The following ABCB7 variants were observed in gnomAD, a reference collection of about 807,000 sequenced individuals.
ABCB7 encodes the protein ATP binding cassette subfamily B member 7, also known as iron-sulfur clusters transporter ABCB7, mitochondrial.
ABCB7 carries 7 observed loss-of-function variants against 54.4 expected under a neutral mutation model. That is an observed-to-expected ratio of 0.13 (90% CI 0.07 to 0.24). The LOEUF (loss-of-function observed/expected upper bound fraction) is 0.24. Ranked by LOEUF, ABCB7 falls within the 10% of genes least tolerant of loss-of-function variation. ABCB7 has a pLI of 1.00. For missense variants in ABCB7, 356 were observed against 570.4 expected, an observed-to-expected ratio of 0.62 and a Z score of 3.83; for synonymous variants, 218 against 207.1, an observed-to-expected ratio of 1.05 and a Z score of -0.45.
chrX:75,154,288 T>C (rs985489802), intron 1 of ABCB7, among the ~76,000 whole-genome samples: 16 of 111,716 alleles, frequency 1.4e-4, no homozygotes, highest in African/African-American at 5.2e-4. Flanking sequence ...GTATTGCCAT[T>C]GCCTCCTCTG....
At chrX:75,056,250 C>T (rs57260483) in intron 15 of ABCB7, among the ~76,000 whole-genome samples, 1 of 111,275 alleles carries the variant, frequency 9.0e-6, no homozygotes, top group Non-Finnish European at 1.9e-5. Flanking sequence ...AGGACCCTTA[C>T]CTGAATCAAT....
intron 15 of ABCB7, among the ~76,000 whole-genome samples, 161 bp from the exon 16 acceptor site, chrX:75,053,746 A>G (rs1435826247): frequency 8.9e-6 from 1 of 112,414 alleles, no homozygotes. Context: ...AAATTTAGGT[A>G]GGAATGCTTT....
chrX:75,146,862 T>C (rs1189855673), intron 1 of ABCB7, among the ~76,000 whole-genome samples: 1 of 111,086 alleles, frequency 9.0e-6, no homozygotes, highest in Admixed American at 9.6e-5. Flanking sequence ...CAAAAGAAAC[T>C]GTCAACAGAG....
At chrX:75,146,756 C>T (rs1003090961) in intron 1 of ABCB7, among the ~76,000 whole-genome samples, 1 of 111,093 alleles carries the variant, frequency 9.0e-6, no homozygotes, top group Non-Finnish European at 1.9e-5. Flanking sequence ...GACAGAGACA[C>T]GGGAAAAGAT....
chrX:75,118,184 G>A (rs758524247), intron 1 of ABCB7, among the ~76,000 whole-genome samples: 1 of 111,603 alleles, frequency 9.0e-6, no homozygotes, highest in South Asian at 3.8e-4. Flanking sequence ...TTGTAACCAC[G>A]TGGCAGTGCT....
chrX:75,077,923 T>A (rs1393946144), intron 4 of ABCB7, among the ~76,000 whole-genome samples: 6 of 107,553 alleles, frequency 5.6e-5, no homozygotes, highest in African/African-American at 2.0e-4. Context: ...TTGCTTTTTT[T>A]TTTTTTTTGA....
Position 75,075,600 on chromosome X carries a change from A to C in ABCB7, c.617T>G (p.Phe206Cys). Residue 206 changes from phenylalanine (F) to cysteine (C), a missense_variant, in exon 6 of 16, where the codon TTT becomes TGT. Transcript: ENST00000373394. Reference protein sequence around the residue: ...YGVSRAGAAFFNEVRNAVFGK... With the variant: ...YGVSRAGAAFCNEVRNAVFGK... ...AAATACTGCATTTCGAACTTCGTTA[A>C]AAAAAGCAGCTCCAGCTCTTGATAC... 2 of 1,210,391 alleles carry C rather than the reference A, an allele frequency of 1.7e-6. No homozygotes were observed. Among genetic ancestry groups the C allele is most frequent in the Non-Finnish European group, 2.2e-6 (2 of 894,272 alleles).
At chrX:75,130,778 C>T (rs2081968584) in intron 1 of ABCB7, among the ~76,000 whole-genome samples, 1 of 110,611 alleles carries the variant, frequency 9.0e-6, no homozygotes. Context: ...AAAAGAGATA[C>T]AAGGGAGAAT....
chrX:75,118,061 C>T (rs982418943), intron 1 of ABCB7, among the ~76,000 whole-genome samples: 1 of 112,364 alleles, frequency 8.9e-6, no homozygotes, highest in Non-Finnish European at 1.9e-5. Context: ...CTTTCTGTAT[C>T]ATTCTGTCCT....
chrX:75,130,691 A>G (rs968826242), intron 1 of ABCB7, among the ~76,000 whole-genome samples: 1 of 111,826 alleles, frequency 8.9e-6, no homozygotes, highest in Non-Finnish European at 1.9e-5. Flanking sequence ...ATATAAAGGC[A>G]TATGCCTGGG....
intron 4 of ABCB7, among the ~76,000 whole-genome samples, chrX:75,084,289 T>C (rs989726133): frequency 2.7e-5 from 3 of 111,899 alleles, no homozygotes; most frequent in East Asian, 2.8e-4. Flanking sequence ...AGCTACTATT[T>C]TTGTGATAAT....
intron 3 of ABCB7, among the ~76,000 whole-genome samples, chrX:75,111,897 C>T (rs868434117): frequency 1.3e-4 from 15 of 111,938 alleles, no homozygotes; most frequent in Non-Finnish European, 2.1e-4. Flanking sequence ...ATCCTGAAAA[C>T]TGGCAAATAT....
intron 4 of ABCB7, among the ~76,000 whole-genome samples, chrX:75,084,607 A>G (rs2081481316): frequency 9.0e-6 from 1 of 111,697 alleles, no homozygotes; most frequent in African/African-American, 3.2e-5. Flanking sequence ...AGCATAATCC[A>G]TAAAGGAAAA....
At chrX:75,096,120 G>A (rs903893275) in intron 4 of ABCB7, among the ~76,000 whole-genome samples, 2 of 111,701 alleles carry the variant, frequency 1.8e-5, no homozygotes, top group African/African-American at 6.6e-5. Context: ...TATGAGCTCA[G>A]AATCATATTT....
intron 3 of ABCB7, among the ~76,000 whole-genome samples, chrX:75,101,140 C>T (rs764952881): frequency 9.1e-6 from 1 of 110,446 alleles, no homozygotes; most frequent in East Asian, 2.8e-4. Context: ...TTTTTTATGG[C>T]CTTTTGTTGT....
At chrX:75,130,821 T>C (rs979121969) in intron 1 of ABCB7, among the ~76,000 whole-genome samples, 3 of 110,931 alleles carry the variant, frequency 2.7e-5, no homozygotes, top group Non-Finnish European at 3.8e-5. Flanking sequence ...AAATATTAGG[T>C]ATGAAAAGTA....
At chrX:75,134,024 TA>T (rs2081992905) in intron 1 of ABCB7, among the ~76,000 whole-genome samples, 1 of 112,246 alleles carries the variant, frequency 8.9e-6, no homozygotes, top group Non-Finnish European at 1.9e-5. Context: ...GCTACACTTA[TA>T]AGGCAAACAG....
At chrX:75,111,489 AC>A (rs1326078922) in intron 3 of ABCB7, among the ~76,000 whole-genome samples, 14 of 111,929 alleles carry the variant, frequency 1.3e-4, no homozygotes, top group African/African-American at 4.2e-4. Context: ...AAACTGAAGT[AC>A]ACAGAGATTA....
At chrX:75,119,672 T>C (rs1456513944) in intron 1 of ABCB7, among the ~76,000 whole-genome samples, 1 of 111,792 alleles carries the variant, frequency 8.9e-6, no homozygotes, top group Non-Finnish European at 1.9e-5. Flanking sequence ...TATGAAATGG[T>C]ATTTGGCTTT....
Sources: allele counts gnomAD v4.1 joint callset (sites outside exome capture counted in the v4.1 genomes callset), GRCh38; gene constraint gnomAD v4.1.1; transcripts MANE v1.5; gene names NCBI Gene and HGNC (gene_info 2026-07-23, HGNC 2026-07-21).